Variants in EIF3D observed in about 807,000 individuals in gnomAD.
The protein encoded by EIF3D is eukaryotic translation initiation factor 3 subunit D, also known as eIF3 p66.
A neutral mutation model predicts 75.4 loss-of-function variants in EIF3D; 10 were observed. The ratio of observed to expected loss-of-function variants is 0.13; its 90% CI spans 0.08 to 0.22. EIF3D has a LOEUF of 0.22. Ranked by LOEUF, EIF3D falls within the 10% of genes least tolerant of loss-of-function variation. The probability of loss-of-function intolerance (pLI) is 1.00; values close to 1 mark genes in which losing one functional copy is unlikely to be tolerated. For synonymous variants in EIF3D, 246 were observed against 248.3 expected (o/e 0.99, Z 0.09); for missense variants, 394 against 708.0 (o/e 0.56, Z 5.03).
intron 12 of EIF3D, among the ~76,000 whole-genome samples, chr22:36,515,443 G>A (rs183376016): frequency 0.026 from 3,886 of 152,214 alleles, 84 homozygotes; most frequent in Non-Finnish European, 0.04. Context: ...CAGGAGAATC[G>A]CTTGAGCCCG....
intron 14 of EIF3D, chr22:36,511,282 G>A: frequency 1.0e-6 from 1 of 954,446 alleles, no homozygotes; most frequent in Non-Finnish European, 1.5e-6. Context: ...CTCTGCCACA[G>A]TCCAGCCGCT....
At chr22:36,513,307 TC>T (rs772134546) in intron 12 of EIF3D, among the ~76,000 whole-genome samples, 29 of 152,114 alleles carry the variant, frequency 1.9e-4, no homozygotes, top group East Asian at 9.7e-4. Context: ...AAATTTTTTT[TC>T]TTTTTTTTTT....
Position 36,523,202 on chromosome 22 carries a change from A to T in EIF3D, c.465+7T>A. 3.1e-6 allele frequency: 5 copies of T among 1,613,050 alleles called. No individual in the cohort carries two copies. The highest frequency in any genetic ancestry group is 4.2e-6 in the Non-Finnish European group (5 of 1,179,028). On this transcript the variant is annotated splice_region_variant and intron_variant, in intron 6 of 14. Transcript: ENST00000216190. The stretch of plus-strand genomic sequence containing the variant: ...TCCAAGGCAGAATTCTGGTATAAAT[A>T]CATTACCTGTGATTTCTGATCCCAT...
intron 6 of EIF3D, among the ~76,000 whole-genome samples, chr22:36,521,531 T>C (rs1193046657): frequency 6.6e-6 from 1 of 152,022 alleles, no homozygotes; most frequent in Non-Finnish European, 1.5e-5. Context: ...TCAATAATAG[T>C]CAAAAAGTGA....
chr22:36,511,209 G>C, intron 14 of EIF3D: 1 of 807,858 alleles, frequency 1.2e-6, no homozygotes, highest in Non-Finnish European at 1.9e-6. Context: ...TATTTAACCC[G>C]GAGCGGAGCT....
Position 36,525,829 on chromosome 22 carries a change from C to T in EIF3D, c.124-120G>A. ...GAGTCTCAGAATTTGTTCACAACAC[C>T]TCTGTAAGTGCCCAGCTCTTCTATG... is the stretch of plus-strand genomic sequence containing the variant. On this transcript the variant is annotated intron_variant, in intron 2 of 14. Transcript: ENST00000216190. 2.7e-6 allele frequency: 4 copies of T among 1,459,168 alleles called. No homozygotes were observed. The South Asian group carries it at 5.1e-5, about 19-fold the overall frequency. The allele number at this position is 1,459,168 out of a possible 1,614,324, so 90.4% of individuals were successfully genotyped here. A position where few individuals can be genotyped will look rare whatever the true frequency, so the allele number is the denominator to read the frequency against.
At position 36,511,186 on chromosome 22, in the gene EIF3D, A is replaced by C; in HGVS notation, c.1634-186T>G. 3 of 850,172 alleles carry C rather than the reference A, an allele frequency of 3.5e-6. No homozygotes were observed. In the South Asian group the frequency reaches 5.8e-5, roughly 17 times the overall value. The allele number at this position is 850,172 out of a possible 1,614,324, so 52.7% of individuals were successfully genotyped here. On this transcript the variant is annotated intron_variant, in intron 14 of 14. Transcript: ENST00000216190. The stretch of plus-strand genomic sequence containing the variant: ...GTCACCAGCTGGTGGAGCAGGAGAG[A>C]CAACTTTCAGGCTATTTAACCCGGA...
chr22:36,512,368 T>C (rs1180031886), intron 13 of EIF3D, 92 bp downstream of exon 13: 26 of 1,527,222 alleles, frequency 1.7e-5, no homozygotes, highest in Non-Finnish European at 2.0e-5. Flanking sequence ...TGCCAGTCAA[T>C]TGTCCAGTAC....
chr22:36,520,546 G>C, intron 7 of EIF3D, 30 bp downstream of exon 7: 2 of 1,491,796 alleles, frequency 1.3e-6, no homozygotes, highest in Non-Finnish European at 1.9e-6. Context: ...CATAAGAGCA[G>C]TGTAGAAAGT....
intron 12 of EIF3D, among the ~76,000 whole-genome samples, chr22:36,514,164 C>A (rs1232305591): frequency 6.6e-6 from 1 of 152,144 alleles, no homozygotes; most frequent in Non-Finnish European, 1.5e-5. Context: ...TGCTGATGGA[C>A]AGCTGGCCCA....
Position 36,529,102 on chromosome 22 carries a change from G to A in EIF3D, c.-37C>T. On this transcript the variant is annotated 5_prime_UTR_variant, in exon 1 of 15. Coordinates refer to ENST00000216190, the MANE Select transcript of EIF3D (RefSeq NM_003753.4). The stretch of plus-strand genomic sequence containing the variant: ...TGCAATGGCCTCGGCCGGCCGGGAT[G>A]GCAACAGATGGTGCGTGCCGGGGAC... The A allele has an allele frequency of 5.1e-6, 2 of 394,494 alleles. No homozygotes were observed. Among genetic ancestry groups the A allele is most frequent in the East Asian group, 3.6e-5 (1 of 27,882 alleles). 24.4% of individuals were successfully genotyped at this position (394,494 alleles called of 1,614,324 possible).
At chr22:36,523,514 G>T (rs1251912498) in intron 5 of EIF3D, among the ~76,000 whole-genome samples, 2 of 152,180 alleles carry the variant, frequency 1.3e-5, no homozygotes, top group Non-Finnish European at 2.9e-5. Context: ...TATAGTGACT[G>T]TTCACTGATA....
chr22:36,521,773 G>GAAAAAAA (rs58996003), intron 6 of EIF3D, among the ~76,000 whole-genome samples: 1 of 88,742 alleles, frequency 1.1e-5, no homozygotes, highest in Non-Finnish European at 2.4e-5. Context: ...CAAAACATAT[G>GAAAAAAA]AAAAAAAAAA....
chr22:36,522,795 A>G (rs1934534580), intron 6 of EIF3D, among the ~76,000 whole-genome samples: 1 of 152,176 alleles, frequency 6.6e-6, no homozygotes, highest in Admixed American at 6.5e-5. Context: ...TCTCTCAGGA[A>G]TGGGCTAACT....
intron 8 of EIF3D, 91 bp from the exon 9 acceptor site, chr22:36,519,001 A>T: frequency 6.6e-7 from 1 of 1,508,130 alleles, no homozygotes; most frequent in Non-Finnish European, 8.9e-7. Context: ...TTTGCTGACC[A>T]CATAAATCCT....
chr22:36,524,477 A>G, intron 4 of EIF3D, 119 bp downstream of exon 4: 1 of 1,439,322 alleles, frequency 6.9e-7, no homozygotes, highest in Non-Finnish European at 9.5e-7. Flanking sequence ...CCCGAGATTC[A>G]CGAAAAGACC....
chr22:36,522,719 G>A (rs6519012), intron 6 of EIF3D, among the ~76,000 whole-genome samples: 9,763 of 152,216 alleles, frequency 0.064, 446 homozygotes, highest in African/African-American at 0.14. Context: ...TTGCTACTGC[G>A]GCAGTGTCGG....
chr22:36,511,816 A>G (rs1340116000), intron 13 of EIF3D, 30 bp from the exon 14 acceptor site: 2 of 1,601,302 alleles, frequency 1.2e-6, no homozygotes, highest in Admixed American at 1.7e-5. Flanking sequence ...CAGTGGTCAG[A>G]GCAGGGCAGC....
rs1389852637 is a variant in EIF3D, at chr22:36,510,948, T to A, written c.*39A>T. ...CACTAAGCATCAAAGGCCCTCGTAG[T>A]CTCGGTGGAAGGACAAACTCCAGCT... On this transcript the variant is annotated 3_prime_UTR_variant, in exon 15 of 15. Transcript: ENST00000216190. The A allele has an allele frequency of 6.3e-7, 1 of 1,591,808 alleles. No homozygotes were observed.
Sources: gnomAD v4.1 joint callset for allele counts (sites outside exome capture counted in the v4.1 genomes callset) on GRCh38, gnomAD v4.1.1 for gene constraint, MANE v1.5 for transcripts, NCBI Gene and HGNC (gene_info 2026-07-23, HGNC 2026-07-21) for gene names.